Variants in AGAP1 observed in about 807,000 individuals in gnomAD.
The protein encoded by AGAP1 is arf-GAP with GTPase, ANK repeat and PH domain-containing protein 1.
AGAP1 carries 29 observed loss-of-function variants against 105.3 expected under a neutral mutation model. The ratio of observed to expected loss-of-function variants is 0.28; its 90% CI spans 0.21 to 0.38. The LOEUF (loss-of-function observed/expected upper bound fraction) is 0.38. AGAP1 is among the 10% of genes least tolerant of loss of function. AGAP1 has a pLI of 1.00. For synonymous variants in AGAP1, 509 were observed against 485.9 expected (o/e 1.05, Z -0.63); for missense variants, 998 against 1,165.1 (o/e 0.86, Z 2.09).
chr2:235,737,901 A>G lies in AGAP1; in HGVS notation c.311-3062A>G, dbSNP rs1952344006. On this transcript the variant is annotated intron_variant, in intron 3 of 17. Transcript: ENST00000304032. This position sits in a 1 kb window ranked among gnomAD's most constrained non-coding sequence, Gnocchi z 4.5. ...GCTTGGACAAGACGAAGCCTCATCA[A>G]AGTTGAACCTTAGGGTTCATCAAGC... 6.6e-6 allele frequency among the ~76,000 whole-genome samples: 1 copy of G among 151,958 alleles called. No individual in the cohort carries two copies. Among genetic ancestry groups the G allele is most frequent in the South Asian group, 2.1e-4 (1 of 4,816 alleles).
At chr2:235,895,228 A>G (rs570424783) in intron 10 of AGAP1, among the ~76,000 whole-genome samples, 7 of 152,246 alleles carry the variant, frequency 4.6e-5, no homozygotes, top group African/African-American at 1.7e-4. Flanking sequence ...TGTGATTCTC[A>G]TCATATTTTT....
rs1469850110 is a variant in AGAP1, at chr2:235,691,455, C to T, written c.164-17724C>T. ...ACACATCTTTAAAATCCGCTGAAGA[C>T]TGTAAAGATACTCATTTGAGATGTG... On this transcript the variant is annotated intron_variant, in intron 1 of 17. Coordinates refer to ENST00000304032, the MANE Select transcript of AGAP1 (RefSeq NM_001037131.3). This position sits in a 1 kb window ranked among gnomAD's most constrained non-coding sequence, Gnocchi z 4.4. 6.6e-6 allele frequency among the ~76,000 whole-genome samples: 1 copy of T among 152,240 alleles called. No individual in the cohort carries two copies.
At chr2:235,684,435 G>A (rs1297859058) in intron 1 of AGAP1, among the ~76,000 whole-genome samples, 5 of 152,270 alleles carry the variant, frequency 3.3e-5, no homozygotes, top group Admixed American at 1.3e-4. Context: ...GGAAAAAACC[G>A]TCATTGCCCA....
At position 236,063,176 on chromosome 2, in the gene AGAP1, C is replaced by T. The variant is rs368067172; in HGVS notation, c.2114+13895C>T. Among the ~76,000 whole-genome samples the T allele has an allele frequency of 2.7e-3, 418 of 152,266 alleles. 4 individuals carry two copies. Among genetic ancestry groups the T allele is most frequent in the African/African-American group, 9.8e-3 (408 of 41,554 alleles). On this transcript the variant is annotated intron_variant, in intron 16 of 17. Coordinates refer to ENST00000304032, the MANE Select transcript of AGAP1 (RefSeq NM_001037131.3). ...TGGCACAATCTCAGCTCACTGCAAC[C>T]TCCACCTCCCAGGTTCAAGTGATTC... is the stretch of plus-strand genomic sequence containing the variant.
rs776237983 is a variant in AGAP1 at position 236,120,160 on chromosome 2, C to A, written c.2115-32C>A. The A allele has an allele frequency of 1.3e-6, 2 of 1,587,736 alleles. No individual in the cohort carries two copies. The highest frequency in any genetic ancestry group is 1.7e-5 in the Admixed American group (1 of 58,618). On this transcript the variant is annotated intron_variant, in intron 16 of 17. Coordinates refer to ENST00000304032, the MANE Select transcript of AGAP1 (RefSeq NM_001037131.3). This position sits in a 1 kb window ranked among gnomAD's most constrained non-coding sequence, Gnocchi z 6.0. ...GGCAGCCTGTGTTCTCGGGCCTGAT[C>A]GTGACTGCACCTGTCTGGTGGCTCT... is the stretch of plus-strand genomic sequence containing the variant.
intron 1 of AGAP1, among the ~76,000 whole-genome samples, chr2:235,684,528 GCT>G (rs1426611351): frequency 7.9e-5 from 12 of 152,212 alleles, no homozygotes; most frequent in African/African-American, 2.2e-4. Flanking sequence ...GGATTTGCCA[GCT>G]GCTTCTGGAC....
At position 235,692,489 on chromosome 2, in the gene AGAP1, T is replaced by C. The variant is rs560694690; in HGVS notation, c.164-16690T>C. On this transcript the variant is annotated intron_variant, in intron 1 of 17. Coordinates refer to ENST00000304032, the MANE Select transcript of AGAP1 (RefSeq NM_001037131.3). This position sits in a 1 kb window ranked among gnomAD's most constrained non-coding sequence, Gnocchi z 5.8. Reference sequence around the variant, plus strand: ...GCCACCAGGTGACTTCCACTGCCGTTAGAATGAAACCCAAACTCTGCACTC... The same window carrying C: ...GCCACCAGGTGACTTCCACTGCCGTCAGAATGAAACCCAAACTCTGCACTC... 6.6e-6 allele frequency among the ~76,000 whole-genome samples: 1 copy of C among 152,272 alleles called. No individual in the cohort carries two copies. Among genetic ancestry groups the C allele is most frequent in the East Asian group, 1.9e-4 (1 of 5,174 alleles).
In AGAP1 at chr2:235,971,569, G is replaced by A. The variant is rs1391368319; in HGVS notation, c.1645+2946G>A. Among the ~76,000 whole-genome samples, 2 of 151,800 alleles carry A rather than the reference G, an allele frequency of 1.3e-5. No homozygotes were observed. Among genetic ancestry groups the A allele is most frequent in the Non-Finnish European group, 2.9e-5 (2 of 67,900 alleles). ...CAAAAATTAGCTGGGCATGGTGGCA[G>A]GTCCCAGCTACTTGGGAGGCTGAGG... On this transcript the variant is annotated intron_variant, in intron 13 of 17. Coordinates refer to ENST00000304032, the MANE Select transcript of AGAP1 (RefSeq NM_001037131.3). This position sits in a 1 kb window ranked among gnomAD's most constrained non-coding sequence, Gnocchi z 4.8.
At position 236,036,452 on chromosome 2, in the gene AGAP1, G is replaced by A. The variant is rs1315150504; in HGVS notation, c.1646-109G>A. The stretch of plus-strand genomic sequence containing the variant: ...GTTGTCCAGTGCCGTGCGCCTCACC[G>A]GTCCATGCAGGGGCAGCTGAACCCA... On this transcript the variant is annotated intron_variant, in intron 13 of 17. Transcript: ENST00000304032. The surrounding 1 kb of genome is among the most constrained non-coding windows in gnomAD (Gnocchi z 5.7). The A allele has an allele frequency of 2.9e-5, 41 of 1,430,064 alleles. No homozygotes were observed. Among genetic ancestry groups the A allele is most frequent in the Non-Finnish European group, 3.5e-5 (37 of 1,053,668 alleles). The allele number at this position is 1,430,064 out of a possible 1,614,324, so 88.6% of individuals were successfully genotyped here. A position where few individuals can be genotyped will look rare whatever the true frequency, so the allele number is the denominator to read the frequency against.
At chr2:235,545,755 T>C in intron 1 of AGAP1, among the ~76,000 whole-genome samples, 1 of 152,326 alleles carries the variant, frequency 6.6e-6, no homozygotes, top group South Asian at 2.1e-4. Context: ...TTCCAGCCTG[T>C]GGGATGTTGC....
rs1384166560 is a variant in AGAP1 at position 235,631,491 on chromosome 2, G to A, written c.164-77688G>A. 6.6e-6 allele frequency among the ~76,000 whole-genome samples: 1 copy of A among 152,168 alleles called. No individual in the cohort carries two copies. The highest frequency in any genetic ancestry group is 6.5e-5 in the Admixed American group (1 of 15,274). Reference sequence around the variant, plus strand: ...TCCCAGGACCGGACTGCGTGGTCCTGGTTATACCTGCTGGTCAAAGGTCAG... The same window carrying A: ...TCCCAGGACCGGACTGCGTGGTCCTAGTTATACCTGCTGGTCAAAGGTCAG... On this transcript the variant is annotated intron_variant, in intron 1 of 17. Coordinates refer to ENST00000304032, the MANE Select transcript of AGAP1 (RefSeq NM_001037131.3). The surrounding 1 kb of genome is among the most constrained non-coding windows in gnomAD (Gnocchi z 5.4).
Position 235,700,636 on chromosome 2 carries a change from C to T in AGAP1, c.164-8543C>T, listed in dbSNP as rs1264920939. ...GGAACATGGCGAAACCCCGTCTCTA[C>T]TGAAAATACAAAAATTAGCCAGGCA... is the stretch of plus-strand genomic sequence containing the variant. On this transcript the variant is annotated intron_variant, in intron 1 of 17. Coordinates refer to ENST00000304032, the MANE Select transcript of AGAP1 (RefSeq NM_001037131.3). This position sits in a 1 kb window ranked among gnomAD's most constrained non-coding sequence, Gnocchi z 6.1. 6.6e-6 allele frequency among the ~76,000 whole-genome samples: 1 copy of T among 152,124 alleles called. No individual in the cohort carries two copies. The highest frequency in any genetic ancestry group is 1.9e-4 in the East Asian group (1 of 5,168).
intron 1 of AGAP1, among the ~76,000 whole-genome samples, chr2:235,671,270 C>A (rs558675503): frequency 6.6e-6 from 1 of 152,190 alleles, no homozygotes; most frequent in Admixed American, 6.5e-5. Flanking sequence ...TGGTGCCCCT[C>A]GGAGTCCACC....
chr2:235,520,621 C>T (rs1331513737), intron 1 of AGAP1, among the ~76,000 whole-genome samples: 7 of 152,114 alleles, frequency 4.6e-5, no homozygotes, highest in Middle Eastern at 3.4e-3. Flanking sequence ...CCAGTTAGCT[C>T]GTCAGAGGTT....
chr2:235,670,330 G>C (rs954407711), intron 1 of AGAP1: 6 of 483,942 alleles, frequency 1.2e-5, no homozygotes, highest in Non-Finnish European at 1.8e-5. Flanking sequence ...AGGAGGCGGA[G>C]GGCGCCGAGG....
chr2:236,107,180 T>G (rs1383092905), intron 16 of AGAP1, among the ~76,000 whole-genome samples: 1 of 148,916 alleles, frequency 6.7e-6, no homozygotes, highest in African/African-American at 2.5e-5. Context: ...CTTGAATCAT[T>G]GAGCCTCCAG....
In AGAP1 at chr2:235,740,988, C is replaced by G; in HGVS notation, c.336C>G (p.Val112=). 6.2e-7 allele frequency: 1 copy of G among 1,614,154 alleles called. No homozygotes were observed. The highest frequency in any genetic ancestry group is 8.5e-7 in the Non-Finnish European group (1 of 1,180,010). ...GTGGCAGGTTCAAGAAAGAGATTGT[C>G]GTTGATGGACAGAGCTATCTGCTGC... The part of the protein sequence containing the change: ...PEGGRFKKEI[V]VDGQSYLLLI... The change falls in exon 4 of 18, where the codon GTC becomes GTG. Residue 112 remains valine (V), a synonymous_variant. Coordinates refer to ENST00000304032, the MANE Select transcript of AGAP1 (RefSeq NM_001037131.3). The surrounding 1 kb of genome is among the most constrained non-coding windows in gnomAD (Gnocchi z 5.7).
chr2:235,826,295 G>A (rs1959058922), intron 9 of AGAP1, among the ~76,000 whole-genome samples: 1 of 152,224 alleles, frequency 6.6e-6, no homozygotes, highest in East Asian at 1.9e-4. Flanking sequence ...TCTAACCTCT[G>A]CCAACTCAGA....
rs572787893 is a variant in AGAP1, at chr2:235,615,360, T to G, written c.164-93819T>G. Among the ~76,000 whole-genome samples, 1 of 152,362 alleles carries G rather than the reference T, an allele frequency of 6.6e-6. No individual in the cohort carries two copies. The highest frequency in any genetic ancestry group is 2.4e-5 in the African/African-American group (1 of 41,592). ...GTCCCACTGAGGAGCTTGCCAGTAT[T>G]GTTACAATTGGAGTGATCTCATATG... is the stretch of plus-strand genomic sequence containing the variant. On this transcript the variant is annotated intron_variant, in intron 1 of 17. Coordinates refer to ENST00000304032, the MANE Select transcript of AGAP1 (RefSeq NM_001037131.3). This position sits in a 1 kb window ranked among gnomAD's most constrained non-coding sequence, Gnocchi z 5.0.
Sources: gnomAD v4.1 joint callset for allele counts (sites outside exome capture counted in the v4.1 genomes callset) on GRCh38, gnomAD v4.1.1 for gene constraint, Gnocchi (gnomAD v3.1) non-coding constraint, MANE v1.5 for transcripts, NCBI Gene and HGNC (gene_info 2026-07-23, HGNC 2026-07-21) for gene names.